The following YPEL1 variants were observed in gnomAD, a reference collection of about 807,000 sequenced individuals.
YPEL1 encodes yippee like 1.
Under a neutral mutation model 17.3 loss-of-function variants are expected in YPEL1, and 7 were observed. The ratio of observed to expected loss-of-function variants is 0.40; its 90% CI spans 0.23 to 0.76. The LOEUF (loss-of-function observed/expected upper bound fraction) is 0.76, where lower values mean the gene tolerates loss of function less well. YPEL1 is among the 30% of genes least tolerant of loss of function. The pLI, the probability that YPEL1 is intolerant of heterozygous loss-of-function variation, is 0.35. For synonymous variants in YPEL1, 59 were observed against 59.6 expected (o/e 0.99, Z 0.05); for missense variants, 91 against 155.5 (o/e 0.59, Z 2.21).
chr22:21,719,623 G>A (rs910264924), intron 1 of YPEL1, among the ~76,000 whole-genome samples: 4 of 152,174 alleles, frequency 2.6e-5, no homozygotes, highest in African/African-American at 4.8e-5. Context: ...GGTGACTTAT[G>A]CCTGTAATCC....
intron 1 of YPEL1, among the ~76,000 whole-genome samples, chr22:21,720,078 T>C (rs1271369079): frequency 2.1e-5 from 3 of 145,034 alleles, no homozygotes; most frequent in Admixed American, 7.2e-5. Flanking sequence ...CTTGGGAGGC[T>C]GAGGCAGGAG....
chr22:21,721,402 G>A (rs1160093859), intron 1 of YPEL1, among the ~76,000 whole-genome samples: 1 of 138,174 alleles, frequency 7.2e-6, no homozygotes, highest in African/African-American at 2.7e-5. Context: ...ACAGCAGTGA[G>A]CCACCATGCC....
At chr22:21,714,723 G>A (rs78548367) in intron 1 of YPEL1, among the ~76,000 whole-genome samples, 6,118 of 152,264 alleles carry the variant, frequency 0.04, 173 homozygotes, top group Non-Finnish European at 0.06. Flanking sequence ...TGCCAGCAGC[G>A]AACATGAGTC....
intron 1 of YPEL1, among the ~76,000 whole-genome samples, chr22:21,726,404 C>T (rs1048015513): frequency 1.3e-5 from 2 of 152,208 alleles, no homozygotes; most frequent in Non-Finnish European, 2.9e-5. Flanking sequence ...ATTCTCACAA[C>T]ATCCTGAGAA....
chr22:21,706,817 A>T (rs1325479704), intron 2 of YPEL1, among the ~76,000 whole-genome samples: 1 of 152,194 alleles, frequency 6.6e-6, no homozygotes, highest in Non-Finnish European at 1.5e-5. Flanking sequence ...ATTGTACTCC[A>T]GCCTGGGTGA....
At chr22:21,722,422 A>T (rs2068292201) in intron 1 of YPEL1, among the ~76,000 whole-genome samples, 1 of 151,712 alleles carries the variant, frequency 6.6e-6, no homozygotes, top group African/African-American at 2.4e-5. Context: ...TCTCAAAAAA[A>T]CCCCAAAACC....
intron 1 of YPEL1, among the ~76,000 whole-genome samples, chr22:21,719,380 G>A (rs1363958417): frequency 6.6e-6 from 1 of 152,204 alleles, no homozygotes; most frequent in African/African-American, 2.4e-5. Context: ...ACTAAAATGA[G>A]ACTTAAATTA....
At chr22:21,722,906 T>C (rs2068297907) in intron 1 of YPEL1, 1 of 152,130 alleles carries the variant, frequency 6.6e-6, no homozygotes, top group Middle Eastern at 3.2e-3. Flanking sequence ...TTAAATATGC[T>C]GCCCAGGCTG....
At position 21,710,740 on chromosome 22, in the gene YPEL1, A is replaced by C; in HGVS notation, c.5T>G (p.Val2Gly). 6.2e-7 allele frequency: 1 copy of C among 1,613,866 alleles called. No individual in the cohort carries two copies. Among genetic ancestry groups the C allele is most frequent in the East Asian group, 2.2e-5 (1 of 44,878 alleles). MVKMTKSKTFQA... is the reference protein window; with the variant it reads MGKMTKSKTFQA... ...GAAAGTTTTGGACTTTGTCATTTTCACCATCTCTCCTGGGCACTCCTCACT... is the reference window on the plus strand; with the variant it reads ...GAAAGTTTTGGACTTTGTCATTTTCCCCATCTCTCCTGGGCACTCCTCACT... The change falls in exon 2 of 5, where the codon GTG (valine) becomes GGG (glycine). Residue 2 changes from valine (V) to glycine (G), a missense_variant. Physicochemically the swap from Val to Gly is moderately radical, Grantham distance 109 (BLOSUM62 -3). Transcript: ENST00000339468.
intron 1 of YPEL1, among the ~76,000 whole-genome samples, chr22:21,734,267 A>C (rs927246845): frequency 6.6e-6 from 1 of 152,206 alleles, no homozygotes; most frequent in African/African-American, 2.4e-5. Flanking sequence ...AGTGATTCAA[A>C]GGTGAAAAGG....
At chr22:21,727,475 C>T (rs535609208) in intron 1 of YPEL1, among the ~76,000 whole-genome samples, 2 of 152,312 alleles carry the variant, frequency 1.3e-5, no homozygotes, top group Non-Finnish European at 2.9e-5. Flanking sequence ...TGTGTCCCCA[C>T]GTTTGGAGGG....
rs113207861 is a variant in YPEL1 at position 21,709,808 on chromosome 22, G to A, written c.117+820C>T. 5.2e-3 allele frequency among the ~76,000 whole-genome samples: 786 copies of A among 150,082 alleles called. 2 individuals are homozygous for A. Among genetic ancestry groups the A allele is most frequent in the African/African-American group, 8.4e-3 (344 of 40,744 alleles). On this transcript the variant is annotated intron_variant, in intron 2 of 4. Transcript: ENST00000339468. ...GTCATGACCTATAAGGATGAGTGGA[G>A]GTAATGATCCGTGAGGATGGGTGCA...
chr22:21,701,134 C>T lies in YPEL1; in HGVS notation c.355G>A (p.Glu119Lys). The T allele has an allele frequency of 1.9e-6, 3 of 1,613,394 alleles. No homozygotes were observed. Among genetic ancestry groups the T allele is most frequent in the Non-Finnish European group, 2.5e-6 (3 of 1,179,412 alleles). ...LAHMIKDNGW[E>K] is the part of the protein sequence containing the mutation. ...GAGAAGGGAAAGTTCGCACATTACT[C>T]CCAGCCATTGTCTTTGATCATATGA... The change falls in exon 5 of 5, where the codon GAG (glutamate) becomes AAG (lysine). Residue 119 changes from glutamate (E) to lysine (K), a missense_variant. Coordinates refer to ENST00000339468, the MANE Select transcript of YPEL1 (RefSeq NM_013313.5).
intron 1 of YPEL1, among the ~76,000 whole-genome samples, chr22:21,728,015 G>C (rs1250653181): frequency 6.6e-6 from 1 of 152,246 alleles, no homozygotes; most frequent in Non-Finnish European, 1.5e-5. Flanking sequence ...TGGCGATGAA[G>C]GGGCTGGTGT....
chr22:21,723,690 AT>A (rs11413513), intron 1 of YPEL1, among the ~76,000 whole-genome samples: 15 of 144,792 alleles, frequency 1.0e-4, no homozygotes, highest in East Asian at 4.1e-4. Flanking sequence ...ATTTTAATTA[AT>A]TTTTTTTTTT....
intron 1 of YPEL1, among the ~76,000 whole-genome samples, chr22:21,727,606 ATG>A (rs2068347461): frequency 6.6e-6 from 1 of 152,256 alleles, no homozygotes; most frequent in African/African-American, 2.4e-5. Context: ...TTTTAAGAGA[ATG>A]TGAATCAGGC....
intron 2 of YPEL1, among the ~76,000 whole-genome samples, chr22:21,708,331 CTTTTTT>C (rs775485136): frequency 2.0e-5 from 2 of 102,108 alleles, no homozygotes; most frequent in African/African-American, 4.0e-5. Context: ...AGGCTTCTGC[CTTTTTT>C]TTTTTTTTTT....
chr22:21,716,894 G>A (rs962945002), intron 1 of YPEL1, among the ~76,000 whole-genome samples: 3 of 151,880 alleles, frequency 2.0e-5, no homozygotes, highest in Non-Finnish European at 2.9e-5. Context: ...GGAGGGAACC[G>A]ATGAGCTTGA....
rs949535637 is a variant in YPEL1, at chr22:21,697,578, C to G, written c.*3551G>C. The G allele has an allele frequency of 4.5e-5, 7 of 155,082 alleles. No homozygotes were observed. Among genetic ancestry groups the G allele is most frequent in the Non-Finnish European group, 1.0e-4 (7 of 69,958 alleles). 9.6% of individuals were successfully genotyped at this position (155,082 alleles called of 1,614,324 possible). ...AGAAGCTTTATTTGTAAACCTCACA[C>G]AGATAAGGACCAAGGGCTGGCGGTG... On this transcript the variant is annotated 3_prime_UTR_variant, in exon 5 of 5. Coordinates refer to ENST00000339468, the MANE Select transcript of YPEL1 (RefSeq NM_013313.5).
Sources: allele counts gnomAD v4.1 joint callset (sites outside exome capture counted in the v4.1 genomes callset), GRCh38; gene constraint gnomAD v4.1.1; transcripts MANE v1.5; gene names NCBI Gene and HGNC (gene_info 2026-07-23, HGNC 2026-07-21).